AFG1L: variants seen among roughly 807,000 people sequenced by gnomAD.
AFG1L encodes AFG1-like ATPase.
A neutral mutation model predicts 62.2 loss-of-function variants in AFG1L; 53 were observed. The ratio of observed to expected loss-of-function variants is 0.85; its 90% CI spans 0.68 to 1.07. The LOEUF is 1.07. Ranked by LOEUF, AFG1L falls within the 50% of genes least tolerant of loss-of-function variation. The pLI is 0.00. For synonymous variants in AFG1L, 228 were observed against 210.3 expected, an observed-to-expected ratio of 1.08 and a Z score of -0.73; for missense variants, 555 against 590.5, an observed-to-expected ratio of 0.94 and a Z score of 0.62.
intron 10 of AFG1L, among the ~76,000 whole-genome samples, chr6:108,484,367 A>G (rs938204394): frequency 1.3e-5 from 2 of 152,210 alleles, no homozygotes; most frequent in African/African-American, 4.8e-5. Context: ...TTAATAGAGA[A>G]TGGGTCAGAT....
chr6:108,295,131 C>G lies in AFG1L; in HGVS notation c.52C>G (p.Pro18Ala). The G allele has an allele frequency of 6.2e-7, 1 of 1,611,280 alleles. No individual in the cohort carries two copies. Among genetic ancestry groups the G allele is most frequent in the Non-Finnish European group, 8.5e-7 (1 of 1,179,984 alleles). ...TACCCTGCGCCCCTTAGCACAGAGC[C>G]CGCTGAGAGGGAGATGTGTTGGGTG... ...LVTLRPLAQSPLRGRCVGCGA... is the reference protein window; with the variant it reads ...LVTLRPLAQSALRGRCVGCGA... Residue 18 changes from proline (P) to alanine (A), a missense_variant, in exon 1 of 13, where the codon CCG (proline) becomes GCG (alanine). By Grantham distance (27) the Pro-to-Ala change is conservative. Coordinates refer to ENST00000368977, the MANE Select transcript of AFG1L (RefSeq NM_145315.5).
intron 1 of AFG1L, among the ~76,000 whole-genome samples, chr6:108,311,498 G>C (rs1777408970): frequency 6.6e-6 from 1 of 151,884 alleles, no homozygotes; most frequent in South Asian, 2.1e-4. Context: ...GTTTTGTTTT[G>C]TTTTCTTTTT....
chr6:108,384,176 G>C, intron 6 of AFG1L, among the ~76,000 whole-genome samples: 1 of 152,036 alleles, frequency 6.6e-6, no homozygotes, highest in East Asian at 1.9e-4. Flanking sequence ...GCAGGGTAAA[G>C]TCAGTGCTGC....
At chr6:108,417,277 CACA>C in intron 7 of AFG1L, among the ~76,000 whole-genome samples, 1 of 127,256 alleles carries the variant, frequency 7.9e-6, no homozygotes, top group African/African-American at 3.2e-5. Flanking sequence ...CACACACACA[CACA>C]CACACACAAA....
chr6:108,325,545 G>T (rs1352690818), intron 2 of AFG1L, among the ~76,000 whole-genome samples: 2 of 151,852 alleles, frequency 1.3e-5, no homozygotes, highest in African/African-American at 4.8e-5. Context: ...GAGGGCAGTG[G>T]TGTGATCTTG....
At chr6:108,455,155 A>G (rs547234564) in intron 8 of AFG1L, among the ~76,000 whole-genome samples, 1 of 152,356 alleles carries the variant, frequency 6.6e-6, no homozygotes, top group East Asian at 1.9e-4. Flanking sequence ...TACATAAGAA[A>G]TAATCAGAAA....
At chr6:108,340,257 G>T (rs569412468) in intron 2 of AFG1L, among the ~76,000 whole-genome samples, 2 of 150,268 alleles carry the variant, frequency 1.3e-5, no homozygotes, top group South Asian at 4.2e-4. Flanking sequence ...GGCTGAATAG[G>T]ACTCTTGTGT....
intron 2 of AFG1L, among the ~76,000 whole-genome samples, chr6:108,339,127 G>C (rs1325099456): frequency 6.6e-6 from 1 of 151,550 alleles, no homozygotes; most frequent in Non-Finnish European, 1.5e-5. Context: ...ATTTATAAAA[G>C]CTCTTTGTTT....
At chr6:108,401,890 T>G in intron 6 of AFG1L, 106 bp from the exon 7 acceptor site, 1 of 567,356 alleles carries the variant, frequency 1.8e-6, no homozygotes, top group Non-Finnish European at 3.1e-6. Context: ...TTTTGCTCCT[T>G]TATCTTTTTT....
At chr6:108,439,852 A>G (rs1291901138) in intron 7 of AFG1L, among the ~76,000 whole-genome samples, 5 of 151,636 alleles carry the variant, frequency 3.3e-5, no homozygotes, top group African/African-American at 9.7e-5. Flanking sequence ...CCTCAAAATA[A>G]AGTAAGACAG....
chr6:108,411,990 C>G (rs983106157), intron 7 of AFG1L, among the ~76,000 whole-genome samples: 1 of 152,090 alleles, frequency 6.6e-6, no homozygotes, highest in Admixed American at 6.5e-5. Flanking sequence ...ATGTTTGAAC[C>G]CATCTCAAAG....
chr6:108,387,269 C>T (rs1780803859), intron 6 of AFG1L, among the ~76,000 whole-genome samples: 1 of 152,236 alleles, frequency 6.6e-6, no homozygotes, highest in African/African-American at 2.4e-5. Flanking sequence ...AGTTCAGCTT[C>T]CCAGGGTGGC....
intron 2 of AFG1L, among the ~76,000 whole-genome samples, chr6:108,343,848 AAAG>A (rs1778770247): frequency 6.6e-6 from 1 of 152,250 alleles, no homozygotes; most frequent in African/African-American, 2.4e-5. Flanking sequence ...GAGTCAAAGC[AAAG>A]AAGATCCTTT....
chr6:108,317,111 G>C (rs1777634394), intron 1 of AFG1L, among the ~76,000 whole-genome samples: 1 of 152,092 alleles, frequency 6.6e-6, no homozygotes, highest in African/African-American at 2.4e-5. Flanking sequence ...TGACAATTTG[G>C]ATTGCCTCTT....
At chr6:108,421,076 T>C (rs1770565611) in intron 7 of AFG1L, among the ~76,000 whole-genome samples, 1 of 152,114 alleles carries the variant, frequency 6.6e-6, no homozygotes, top group South Asian at 2.1e-4. Flanking sequence ...CTCTTTGTCA[T>C]AGGCCACCAT....
In AFG1L at chr6:108,302,464, CTT is replaced by C. The variant is rs879462666; in HGVS notation, c.139+7256_139+7257del. Among the ~76,000 whole-genome samples, 6 of 146,714 alleles carry C rather than the reference CTT, an allele frequency of 4.1e-5. No homozygotes were observed. In the East Asian group the frequency reaches 9.8e-4, roughly 24 times the overall value. On this transcript the variant is annotated intron_variant, in intron 1 of 12. Transcript: ENST00000368977. ...TCCATAGAAGGAATCTCAGATAAGACTTTTTTTTTTTAAAGCCGAGCCCAGCC... is the reference window on the plus strand; with the variant it reads ...TCCATAGAAGGAATCTCAGATAAGACTTTTTTTTTAAAGCCGAGCCCAGCC...
chr6:108,340,199 A>T (rs1778628308), intron 2 of AFG1L, among the ~76,000 whole-genome samples: 1 of 151,846 alleles, frequency 6.6e-6, no homozygotes, highest in Non-Finnish European at 1.5e-5. Flanking sequence ...AATGACCTCC[A>T]GTTTCATTCA....
chr6:108,306,284 T>C (rs541024592), intron 1 of AFG1L, among the ~76,000 whole-genome samples: 8 of 152,230 alleles, frequency 5.3e-5, no homozygotes, highest in Non-Finnish European at 8.8e-5. Context: ...ATGTTAGACA[T>C]GTAGCTTCTG....
intron 1 of AFG1L, among the ~76,000 whole-genome samples, chr6:108,322,647 C>T (rs894323446): frequency 2.6e-5 from 4 of 152,162 alleles, no homozygotes; most frequent in Admixed American, 2.6e-4. Context: ...ACTTTTCCCC[C>T]TCTTTTGGGG....
Sources: gnomAD v4.1 joint callset for allele counts (sites outside exome capture counted in the v4.1 genomes callset) on GRCh38, gnomAD v4.1.1 for gene constraint, MANE v1.5 for transcripts, NCBI Gene and HGNC (gene_info 2026-07-23, HGNC 2026-07-21) for gene names.